The following NEGR1 variants were observed in gnomAD, a reference collection of about 807,000 sequenced individuals.
NEGR1 encodes the protein IgLON family member 4.
A neutral mutation model predicts 40.9 loss-of-function variants in NEGR1; 10 were observed. That is an observed-to-expected ratio of 0.24 (90% CI 0.15 to 0.42). NEGR1 has a LOEUF of 0.42. Ranked by LOEUF, NEGR1 falls within the 10% of genes least tolerant of loss-of-function variation. The probability of loss-of-function intolerance (pLI) is 1.00; values close to 1 mark genes in which losing one functional copy is unlikely to be tolerated. For synonymous variants in NEGR1, 185 were observed against 166.8 expected (o/e 1.11, Z -0.84); for missense variants, 352 against 438.9 (o/e 0.80, Z 1.77).
At chr1:71,963,183 T>C (rs1461364613) in intron 1 of NEGR1, among the ~76,000 whole-genome samples, 1 of 152,080 alleles carries the variant, frequency 6.6e-6, no homozygotes, top group Non-Finnish European at 1.5e-5. Flanking sequence ...CACCTGGACA[T>C]TTTTCTGTAA....
At chr1:72,269,925 T>G (rs1391732871) in intron 1 of NEGR1, among the ~76,000 whole-genome samples, 2 of 151,804 alleles carry the variant, frequency 1.3e-5, no homozygotes, top group Admixed American at 6.6e-5. Flanking sequence ...AGAACATACT[T>G]TCTCGATGTT....
At chr1:72,217,235 G>A (rs1486339329) in intron 1 of NEGR1, among the ~76,000 whole-genome samples, 1 of 151,738 alleles carries the variant, frequency 6.6e-6, no homozygotes, top group Non-Finnish European at 1.5e-5. Context: ...AGAATAAATT[G>A]TTAGGTGAAA....
intron 1 of NEGR1, among the ~76,000 whole-genome samples, chr1:72,185,090 C>T (rs1306206577): frequency 6.6e-6 from 1 of 151,856 alleles, no homozygotes; most frequent in Non-Finnish European, 1.5e-5. Flanking sequence ...AAGCAATTGG[C>T]CTGGCACCTG....
chr1:71,481,157 G>C (rs1257093803), intron 6 of NEGR1, among the ~76,000 whole-genome samples: 1 of 151,874 alleles, frequency 6.6e-6, no homozygotes, highest in Non-Finnish European at 1.5e-5. Flanking sequence ...TAGCTGGTCA[G>C]TGGGAAAAGC....
intron 6 of NEGR1, among the ~76,000 whole-genome samples, chr1:71,581,923 T>C (rs1380429439): frequency 6.6e-6 from 1 of 152,010 alleles, no homozygotes; most frequent in Non-Finnish European, 1.5e-5. Context: ...AAGCTGGTCT[T>C]AAACTCCTGG....
At chr1:72,249,538 G>T (rs975191333) in intron 1 of NEGR1, among the ~76,000 whole-genome samples, 20 of 152,112 alleles carry the variant, frequency 1.3e-4, no homozygotes, top group African/African-American at 4.3e-4. Context: ...TCAAGCTTCT[G>T]ACCCAAAGAA....
chr1:72,263,931 C>A (rs1655552283), intron 1 of NEGR1, among the ~76,000 whole-genome samples: 1 of 151,318 alleles, frequency 6.6e-6, no homozygotes, highest in Non-Finnish European at 1.5e-5. Flanking sequence ...TTAGATGTTT[C>A]CATCATTTAT....
rs1197032358 is a variant in NEGR1 at position 71,404,389 on chromosome 1, A to G, written c.*3057T>C. 3.3e-5 allele frequency: 5 copies of G among 152,128 alleles called. No individual in the cohort carries two copies. Among genetic ancestry groups the G allele is most frequent in the African/African-American group, 1.2e-4 (5 of 41,406 alleles). 9.4% of individuals were successfully genotyped at this position (152,128 alleles called of 1,614,324 possible). ...CTTTTTATTATATAATTGCTGCATA[A>G]TAGGAACTTAATGGTATAATAGGAC... On this transcript the variant is annotated 3_prime_UTR_variant, in exon 7 of 7. Transcript: ENST00000357731.
intron 2 of NEGR1, among the ~76,000 whole-genome samples, chr1:71,873,150 G>T (rs546262587): frequency 0.013 from 1,983 of 147,296 alleles, 20 homozygotes; most frequent in Admixed American, 0.02. Context: ...GACAAATAGA[G>T]TATTTTGAGG....
chr1:71,811,033 C>T lies in NEGR1; in HGVS notation c.410-34736G>A, dbSNP rs184408186. Among the ~76,000 whole-genome samples, 157 of 152,166 alleles carry T rather than the reference C, an allele frequency of 1.0e-3. 2 individuals carry two copies. Among genetic ancestry groups the T allele is most frequent in the Middle Eastern group, 3.4e-3 (1 of 294 alleles). On this transcript the variant is annotated intron_variant, in intron 2 of 6. Transcript: ENST00000357731. ...ATTCTTGAAAATTTGTCTTGACATT[C>T]TGGTGGTTTTTAACAATAGACATAA...
intron 1 of NEGR1, among the ~76,000 whole-genome samples, chr1:72,143,911 T>TA (rs1243378053): frequency 1.6e-5 from 1 of 62,056 alleles, no homozygotes; most frequent in Non-Finnish European, 3.2e-5. Context: ...ATATGATATA[T>TA]ATAATATATA....
intron 1 of NEGR1, among the ~76,000 whole-genome samples, chr1:72,019,573 T>C (rs892924217): frequency 3.3e-5 from 5 of 152,212 alleles, no homozygotes; most frequent in African/African-American, 9.6e-5. Flanking sequence ...GATCAATGAA[T>C]TGATTTCAAC....
chr1:71,427,386 T>C (rs1205392855), intron 6 of NEGR1, among the ~76,000 whole-genome samples: 3 of 152,178 alleles, frequency 2.0e-5, no homozygotes, highest in Non-Finnish European at 4.4e-5. Context: ...TTCACTGTTA[T>C]TGTGGGTTTG....
At chr1:72,195,974 C>T (rs917934814) in intron 1 of NEGR1, among the ~76,000 whole-genome samples, 1 of 152,002 alleles carries the variant, frequency 6.6e-6, no homozygotes, top group Non-Finnish European at 1.5e-5. Context: ...GTGCCTTCCT[C>T]CCTCAGGTTC....
In NEGR1 at chr1:71,585,706, T is replaced by TG. The variant is rs1441321362; in HGVS notation, c.940+7110_940+7111insC. 9.9e-4 allele frequency among the ~76,000 whole-genome samples: 149 copies of TG among 151,000 alleles called. 1 individual carries two copies. The highest frequency in any genetic ancestry group is 3.5e-3 in the African/African-American group (142 of 41,050). Reference sequence around the variant, plus strand: ...TCTCCATCTTTTTTTTTTTTTTTTTTTTTTTACTCATTACAAGTGAATGCT... The same window carrying TG: ...TCTCCATCTTTTTTTTTTTTTTTTTTGTTTTTACTCATTACAAGTGAATGCT... On this transcript the variant is annotated intron_variant, in intron 6 of 6. Transcript: ENST00000357731.
chr1:71,578,509 T>C (rs1649032324), intron 6 of NEGR1, among the ~76,000 whole-genome samples: 1 of 152,112 alleles, frequency 6.6e-6, no homozygotes, highest in Admixed American at 6.5e-5. Context: ...AATCAGGCAA[T>C]TCTCTAATCA....
At chr1:72,109,289 T>C (rs1649260393) in intron 1 of NEGR1, among the ~76,000 whole-genome samples, 1 of 151,700 alleles carries the variant, frequency 6.6e-6, no homozygotes, top group Non-Finnish European at 1.5e-5. Flanking sequence ...CTCCGTTTTA[T>C]CTGAGAGTTC....
intron 6 of NEGR1, among the ~76,000 whole-genome samples, chr1:71,528,100 C>T (rs183753737): frequency 7.3e-5 from 11 of 151,384 alleles, no homozygotes; most frequent in Admixed American, 3.3e-4. Context: ...CATGGAAGAC[C>T]TGCTAAATAC....
intron 1 of NEGR1, among the ~76,000 whole-genome samples, chr1:72,125,341 T>C (rs984378694): frequency 9.2e-5 from 14 of 152,102 alleles, no homozygotes; most frequent in African/African-American, 2.9e-4. Flanking sequence ...GATTTTAAAA[T>C]GATTCACATA....
Sources: allele counts gnomAD v4.1 joint callset (sites outside exome capture counted in the v4.1 genomes callset), GRCh38; gene constraint gnomAD v4.1.1; transcripts MANE v1.5; gene names NCBI Gene and HGNC (gene_info 2026-07-23, HGNC 2026-07-21).